KRT23: variants seen among roughly 807,000 people sequenced by gnomAD.
The protein encoded by KRT23 is keratin, type I cytoskeletal 23.
In KRT23, 38 loss-of-function variants were observed where a neutral mutation model predicts 47.6. That is an observed-to-expected ratio of 0.80 (90% CI 0.62 to 1.05). The LOEUF is 1.05. KRT23 is among the 50% of genes least tolerant of loss of function. KRT23 has a pLI of 0.00. For missense variants in KRT23, 503 were observed against 529.5 expected, an observed-to-expected ratio of 0.95 and a Z score of 0.49; for synonymous variants, 191 against 199.0, an observed-to-expected ratio of 0.96 and a Z score of 0.34.
At chr17:40,924,892 G>A (rs2143433013) in intron 7 of KRT23, among the ~76,000 whole-genome samples, 1 of 152,128 alleles carries the variant, frequency 6.6e-6, no homozygotes, top group Non-Finnish European at 1.5e-5. Flanking sequence ...CTTCCTTTCG[G>A]ATCATAGAAT....
At position 40,928,504 on chromosome 17, in the gene KRT23, T is replaced by C. The variant is rs1909388125; in HGVS notation, c.740A>G (p.Glu247Gly). Residue 247 changes from glutamate (E) to glycine (G), a missense_variant, in exon 5 of 9, where the codon GAA (glutamate) becomes GGA (glycine). Glu to Gly is a moderately conservative substitution (Grantham distance 98, BLOSUM62 -2). Coordinates refer to ENST00000209718, the MANE Select transcript of KRT23 (RefSeq NM_015515.5). Reference sequence around the variant, plus strand: ...CTTCTTCTTTATTATAAGCTCATATTCTTGTCTCATATCCTCCAGGACCTT... The same window carrying C: ...CTTCTTCTTTATTATAAGCTCATATCCTTGTCTCATATCCTCCAGGACCTT... ...LIKVLEDMRQ[E>G]YELIIKKKHR... is the part of the protein sequence containing the mutation. 3 of 1,614,022 alleles carry C rather than the reference T, an allele frequency of 1.9e-6. No homozygotes were observed. In the South Asian group the frequency reaches 3.3e-5, roughly 18 times the overall value.
chr17:40,925,922 A>G (rs1909197582), intron 6 of KRT23, among the ~76,000 whole-genome samples: 1 of 152,240 alleles, frequency 6.6e-6, no homozygotes, highest in African/African-American at 2.4e-5. Flanking sequence ...GATAAAATAG[A>G]GAACATCTAG....
intron 6 of KRT23, among the ~76,000 whole-genome samples, chr17:40,926,769 C>T (rs1252059529): frequency 6.6e-6 from 1 of 152,160 alleles, no homozygotes; most frequent in Non-Finnish European, 1.5e-5. Flanking sequence ...AGCAAAGCTC[C>T]TCAAAGAGTT....
At chr17:40,925,628 A>G (rs1030981146) in intron 6 of KRT23, 54 bp from the exon 7 acceptor site, 5 of 1,344,158 alleles carry the variant, frequency 3.7e-6, no homozygotes, top group East Asian at 2.4e-5. Context: ...TTGAGTCAAT[A>G]ACAGGTGATT....
At chr17:40,931,303 C>T (rs1909661715) in intron 3 of KRT23, 70 bp downstream of exon 3, 2 of 1,185,164 alleles carry the variant, frequency 1.7e-6, no homozygotes, top group Non-Finnish European at 2.5e-6. Context: ...AGCCACCGCG[C>T]CCCGCCGAGT....
Position 40,925,340 on chromosome 17 carries a change from A to G in KRT23, c.1142+14T>C, listed in dbSNP as rs776637206. 1 of 1,610,192 alleles carries G rather than the reference A, an allele frequency of 6.2e-7. No homozygotes were observed. Among genetic ancestry groups the G allele is most frequent in the East Asian group, 2.2e-5 (1 of 44,862 alleles). On this transcript the variant is annotated intron_variant, in intron 7 of 8. Transcript: ENST00000209718. ...GTCCCTCGCATGCTCCTCTCGTGCC[A>G]GCCTTTGCCTTACCCTTCACTCTCT...
At position 40,936,276 on chromosome 17, in the gene KRT23, G is replaced by C. The variant is rs369657534; in HGVS notation, c.328C>G (p.Gln110Glu). Residue 110 changes from glutamine (Q) to glutamate (E), a missense_variant, in exon 2 of 9, where the codon CAG (glutamine) becomes GAG (glutamate). Transcript: ENST00000209718. Reference protein sequence around the residue: ...LESRILKWHQQRDPGSKKDYS... With the variant: ...LESRILKWHQERDPGSKKDYS... ...TCTTTCTTACTGCCAGGATCTCTCT[G>C]CTGGTGCCATTTCAGGATGCGGCTT... The C allele has an allele frequency of 1.9e-6, 3 of 1,614,104 alleles. No homozygotes were observed. The highest frequency in any genetic ancestry group is 2.7e-5 in the African/African-American group (2 of 74,934).
rs1282458080 is a variant in KRT23, at chr17:40,925,344, T to G, written c.1142+10A>C. ...CTCGCATGCTCCTCTCGTGCCAGCC[T>G]TTGCCTTACCCTTCACTCTCTCCCT... On this transcript the variant is annotated intron_variant, in intron 7 of 8. Transcript: ENST00000209718. 7 of 1,611,924 alleles carry G rather than the reference T, an allele frequency of 4.3e-6. No individual in the cohort carries two copies. Among genetic ancestry groups the G allele is most frequent in the African/African-American group, 1.3e-5 (1 of 74,866 alleles).
chr17:40,933,642 C>A (rs1909848911), intron 2 of KRT23, among the ~76,000 whole-genome samples: 3 of 152,248 alleles, frequency 2.0e-5, no homozygotes, highest in Non-Finnish European at 2.9e-5. Context: ...CCCCAGCTAT[C>A]ATTCTCATAG....
intron 2 of KRT23, among the ~76,000 whole-genome samples, chr17:40,933,276 C>T (rs1446618535): frequency 6.6e-6 from 1 of 152,130 alleles, no homozygotes; most frequent in Non-Finnish European, 1.5e-5. Flanking sequence ...CCAAATGGTA[C>T]TATGGCCCCT....
intron 8 of KRT23, among the ~76,000 whole-genome samples, chr17:40,923,594 A>G (rs540937883): frequency 6.6e-6 from 1 of 152,386 alleles, no homozygotes; most frequent in Admixed American, 6.5e-5. Flanking sequence ...ACCATAGGGA[A>G]GAATTGAAAT....
chr17:40,929,742 G>T, intron 4 of KRT23, 198 bp downstream of exon 4: 2 of 483,268 alleles, frequency 4.1e-6, no homozygotes, highest in Middle Eastern at 1.0e-3. Flanking sequence ...TTGCATTTTG[G>T]TTGTTGTATT....
intron 6 of KRT23, 44 bp downstream of exon 6, chr17:40,928,194 A>C: frequency 6.2e-7 from 1 of 1,612,058 alleles, no homozygotes; most frequent in Non-Finnish European, 8.5e-7. Context: ...AGGCTTCGTG[A>C]AGGAGGTGGT....
chr17:40,930,139 G>C (rs1310288766), intron 3 of KRT23, 43 bp from the exon 4 acceptor site: 10 of 1,564,640 alleles, frequency 6.4e-6, no homozygotes, highest in African/African-American at 1.4e-5. Flanking sequence ...TTGTTGGAAG[G>C]CCATGGTTTT....
Position 40,923,059 on chromosome 17 carries a change from G to A in KRT23, c.1199C>T (p.Ala400Val), listed in dbSNP as rs1909023435. The A allele has an allele frequency of 6.2e-7, 1 of 1,613,806 alleles. No homozygotes were observed. The highest frequency in any genetic ancestry group is 8.5e-7 in the Non-Finnish European group (1 of 1,179,708). The change falls in exon 9 of 9, where the codon GCC (alanine) becomes GTC (valine). Residue 400 changes from alanine to valine, a missense_variant. By Grantham distance (64) the Ala-to-Val change is moderately conservative (BLOSUM62 0). Transcript: ENST00000209718. ...MKVSATPKIK[A>V]ITQETINGRL... is the part of the protein sequence containing the mutation. ...TCCGTTGATGGTCTCCTGGGTTATGGCCTTGATCTTTGGAGTTGCAGACAC... is the reference window on the plus strand; with the variant it reads ...TCCGTTGATGGTCTCCTGGGTTATGACCTTGATCTTTGGAGTTGCAGACAC...
In KRT23 at chr17:40,925,490, A is replaced by G. The variant is rs1239018204; in HGVS notation, c.1006T>C (p.Tyr336His). ...LQDMQEIISH[Y>H]EEELTQLRHE... is the part of the protein sequence containing the mutation. ...CGTAGCTGCGTCAGTTCCTCCTCATAGTGGGAGATGATCTCTTGCATGTCC... is the reference window on the plus strand; with the variant it reads ...CGTAGCTGCGTCAGTTCCTCCTCATGGTGGGAGATGATCTCTTGCATGTCC... Residue 336 changes from tyrosine (Y) to histidine (H), a missense_variant, in exon 7 of 9, where the codon TAT becomes CAT. Tyr to His is a moderately conservative substitution (Grantham distance 83). Transcript: ENST00000209718. 6.2e-7 allele frequency: 1 copy of G among 1,614,074 alleles called. No individual in the cohort carries two copies. The highest frequency in any genetic ancestry group is 1.7e-5 in the Admixed American group (1 of 60,022).
chr17:40,923,592 G>A (rs2143423856), intron 8 of KRT23, among the ~76,000 whole-genome samples: 1 of 152,334 alleles, frequency 6.6e-6, no homozygotes, highest in South Asian at 2.1e-4. Context: ...AGACCATAGG[G>A]AAGAATTGAA....
intron 5 of KRT23, 30 bp from the exon 6 acceptor site, chr17:40,928,390 G>C: frequency 6.2e-7 from 1 of 1,614,150 alleles, no homozygotes; most frequent in Non-Finnish European, 8.5e-7. Flanking sequence ...AAAGGCGTCA[G>C]CATTGGGACC....
rs745605050 is a variant in KRT23, at chr17:40,937,446, G to C, written c.-451C>G. On this transcript the variant is annotated 5_prime_UTR_variant, in exon 1 of 9. Coordinates refer to ENST00000209718, the MANE Select transcript of KRT23 (RefSeq NM_015515.5). ...TTGGCCCTGGGGGAGGAATGTAGCCGTTGTTAGCAGCCCCGGACCCCGGCT... is the reference window on the plus strand; with the variant it reads ...TTGGCCCTGGGGGAGGAATGTAGCCCTTGTTAGCAGCCCCGGACCCCGGCT... 42 of 152,444 alleles carry C rather than the reference G, an allele frequency of 2.8e-4. No homozygotes were observed. Among genetic ancestry groups the C allele is most frequent in the Non-Finnish European group, 5.6e-4 (38 of 68,134 alleles). 9.4% of individuals were successfully genotyped at this position (152,444 alleles called of 1,614,324 possible).
Sources: gnomAD v4.1 joint callset for allele counts (sites outside exome capture counted in the v4.1 genomes callset) on GRCh38, gnomAD v4.1.1 for gene constraint, MANE v1.5 for transcripts, NCBI Gene and HGNC (gene_info 2026-07-23, HGNC 2026-07-21) for gene names.